The following TPP1 variants were observed in gnomAD, a reference collection of about 807,000 sequenced individuals.
TPP1 encodes tripeptidyl peptidase 1.
In TPP1, 43 loss-of-function variants were observed where a neutral mutation model predicts 67.6. The ratio of observed to expected loss-of-function variants is 0.64; its 90% CI spans 0.50 to 0.82. The LOEUF (loss-of-function observed/expected upper bound fraction) is 0.82. Among genes scored for constraint, TPP1 ranks in the 40% least tolerant of loss-of-function variants. TPP1 has a pLI of 0.00. For missense variants in TPP1, 671 were observed against 710.9 expected, an observed-to-expected ratio of 0.94 and a Z score of 0.64; for synonymous variants, 272 against 281.5, an observed-to-expected ratio of 0.97 and a Z score of 0.34.
chr11:6,615,636 A>G (rs765049140), intron 9 of TPP1, 74 bp from the exon 10 acceptor site: 3 of 1,585,284 alleles, frequency 1.9e-6, no homozygotes, highest in South Asian at 1.1e-5. Flanking sequence ...AGGGGTGAGT[A>G]TAGCCCAGGT....
chr11:6,615,621 T>C, intron 9 of TPP1, 59 bp from the exon 10 acceptor site: 1 of 1,607,800 alleles, frequency 6.2e-7, no homozygotes, highest in African/African-American at 1.3e-5. Context: ...CCAAGATATG[T>C]GGGGAGGGGT....
chr11:6,615,024 G>C (rs1273597868), intron 11 of TPP1, 33 bp from the exon 12 acceptor site: 1 of 1,614,090 alleles, frequency 6.2e-7, no homozygotes, highest in Non-Finnish European at 8.5e-7. Flanking sequence ...AGAGGTCAGG[G>C]GTTCTGAGTG....
chr11:6,616,375 G>C lies in TPP1; in HGVS notation c.1015C>G (p.Arg339Gly), dbSNP rs750428882. The change falls in exon 8 of 13, where the codon CGG becomes GGG. Residue 339 changes from arginine (R) to glycine (G), a missense_variant. Transcript: ENST00000299427. ...GCCTTCATGAGCTCAGTGTTGACCC[G>C]CTGGATGTAGGCGCTGCTGAGGGAG... ...EDSLSSAYIQ[R>G]VNTELMKAAA... 6.2e-7 allele frequency: 1 copy of C among 1,613,778 alleles called. No homozygotes were observed. Among genetic ancestry groups the C allele is most frequent in the African/African-American group, 1.3e-5 (1 of 74,898 alleles).
chr11:6,618,156 G>C (rs2555169), intron 3 of TPP1: 5 of 359,406 alleles, frequency 1.4e-5, no homozygotes, highest in Non-Finnish European at 2.6e-5. Flanking sequence ...TTGCATACTT[G>C]TTGATTTTAA....
rs1855543283 is a variant in TPP1 at position 6,614,423 on chromosome 11, G to A, written c.*123C>T. 2 of 1,358,044 alleles carry A rather than the reference G, an allele frequency of 1.5e-6. No homozygotes were observed. The highest frequency in any genetic ancestry group is 1.4e-5 in the African/African-American group (1 of 70,438). 84.1% of individuals were successfully genotyped at this position (1,358,044 alleles called of 1,614,324 possible). A position where few individuals can be genotyped will look rare whatever the true frequency, so the allele number is the denominator to read the frequency against. On this transcript the variant is annotated 3_prime_UTR_variant, in exon 13 of 13. Coordinates refer to ENST00000299427, the MANE Select transcript of TPP1 (RefSeq NM_000391.4). ...AAGCTCACAGCATTTCAGGGTTAGG[G>A]AGATAAGCTGTCTGCAGCAGTCAAT... is the stretch of plus-strand genomic sequence containing the variant.
chr11:6,614,536 T>C lies in TPP1; in HGVS notation c.*10A>G, dbSNP rs775748851. 9.1e-5 allele frequency: 147 copies of C among 1,614,010 alleles called. No individual in the cohort carries two copies. The highest frequency in any genetic ancestry group is 1.2e-4 in the Non-Finnish European group (145 of 1,180,024). On this transcript the variant is annotated 3_prime_UTR_variant, in exon 13 of 13. Transcript: ENST00000299427. ...GCAGGGGACAAGCCATCTCTCCTGA[T>C]AGGAAAGGGTCAGGGGTTGAGTAGA...
chr11:6,617,596 G>C, intron 4 of TPP1, 30 bp downstream of exon 4: 1 of 1,613,940 alleles, frequency 6.2e-7, no homozygotes, highest in South Asian at 1.1e-5. Context: ...GATGACTGGT[G>C]CCCTCCATGG....
In TPP1 at chr11:6,618,881, C is replaced by A. The variant is rs1231987689; in HGVS notation, c.124G>T (p.Asp42Tyr). Reference sequence around the variant, plus strand: ...GTGAGACTCAGCTCTTCCTCAGGGTCCGCACGGCCCAGGGACACCCAGCCT... The same window carrying A: ...GTGAGACTCAGCTCTTCCTCAGGGTACGCACGGCCCAGGGACACCCAGCCT... ...PPGWVSLGRA[D>Y]PEEELSLTFA... The change falls in exon 3 of 13, where the codon GAC (aspartate) becomes TAC (tyrosine). Residue 42 changes from aspartate to tyrosine, a missense_variant. Transcript: ENST00000299427. 6.2e-7 allele frequency: 1 copy of A among 1,613,804 alleles called. No individual in the cohort carries two copies. Among genetic ancestry groups the A allele is most frequent in the East Asian group, 2.2e-5 (1 of 44,894 alleles).
At chr11:6,616,915 A>G in intron 6 of TPP1, 56 bp from the exon 7 acceptor site, 3 of 1,613,980 alleles carry the variant, frequency 1.9e-6, no homozygotes. Context: ...CCAGGGTGGT[A>G]AGGAATTGAG....
At chr11:6,618,248 A>C in intron 3 of TPP1, 4 of 329,462 alleles carry the variant, frequency 1.2e-5, no homozygotes, top group Non-Finnish European at 1.7e-5. Context: ...GCAGTTCACA[A>C]GCACACACTC....
At position 6,618,799 on chromosome 11, in the gene TPP1, G is replaced by C. The variant is rs769028551; in HGVS notation, c.206C>G (p.Ser69Trp). The C allele has an allele frequency of 6.2e-6, 10 of 1,613,914 alleles. No homozygotes were observed. The highest frequency in any genetic ancestry group is 8.5e-6 in the Non-Finnish European group (10 of 1,180,044). ...ACCGTATTGAGGAGAGCTGGGATCC[G>C]ACACAGCCTGCACCAGCTCCGAGAG... ...ERLSELVQAV[S>W]DPSSPQYGKY... Residue 69 changes from serine (S) to tryptophan (W), a missense_variant, in exon 3 of 13, where the codon TCG (serine) becomes TGG (tryptophan). By Grantham distance (177) the Ser-to-Trp change is radical. Transcript: ENST00000299427.
At chr11:6,617,918 C>G in intron 3 of TPP1, 142 bp from the exon 4 acceptor site, 5 of 1,154,762 alleles carry the variant, frequency 4.3e-6, no homozygotes, top group Non-Finnish European at 6.3e-6. Context: ...GTAGGGTGTA[C>G]TTGGGAAGCA....
chr11:6,616,798 T>C lies in TPP1; in HGVS notation c.749A>G (p.Asn250Ser), dbSNP rs1282503836. The C allele has an allele frequency of 1.9e-6, 3 of 1,613,720 alleles. No homozygotes were observed. The highest frequency in any genetic ancestry group is 2.5e-6 in the Non-Finnish European group (3 of 1,179,998). Reference sequence around the variant, plus strand: ...GGCTACTGATGCCTGATGTGCAAAGTTGCCACCGAAGAGGCGCATGAACTG... The same window carrying C: ...GGCTACTGATGCCTGATGTGCAAAGCTGCCACCGAAGAGGCGCATGAACTG... ...LAQFMRLFGG[N>S]FAHQASVARV... The change falls in exon 7 of 13, where the codon AAC (asparagine) becomes AGC (serine). Residue 250 changes from asparagine (N) to serine (S), a missense_variant. Coordinates refer to ENST00000299427, the MANE Select transcript of TPP1 (RefSeq NM_000391.4).
chr11:6,614,827 T>G (rs1167893391), intron 12 of TPP1, 39 bp downstream of exon 12: 8 of 1,613,930 alleles, frequency 5.0e-6, no homozygotes, highest in Non-Finnish European at 6.8e-6. Context: ...CTCCCCATAG[T>G]TGTTTGAAAA....
In TPP1 at chr11:6,618,895, G is replaced by T; in HGVS notation, c.110C>A (p.Ser37Tyr). ...TTCCTCAGGGTCCGCACGGCCCAGG[G>T]ACACCCAGCCTGGGGGCAGCCTGTA... is the stretch of plus-strand genomic sequence containing the variant. ...QRRTLPPGWV[S>Y]LGRADPEEEL... is the part of the protein sequence containing the mutation. Residue 37 changes from serine (S) to tyrosine (Y), a missense_variant, in exon 3 of 13, where the codon TCC (serine) becomes TAC (tyrosine). Physicochemically the swap from Ser to Tyr is moderately radical, Grantham distance 144. Coordinates refer to ENST00000299427, the MANE Select transcript of TPP1 (RefSeq NM_000391.4). 6.2e-7 allele frequency: 1 copy of T among 1,613,680 alleles called. No homozygotes were observed. Among genetic ancestry groups the T allele is most frequent in the Non-Finnish European group, 8.5e-7 (1 of 1,180,044 alleles).
rs775087485 is a variant in TPP1, at chr11:6,615,011, A to T, written c.1426-20T>A. 6.2e-7 allele frequency: 1 copy of T among 1,613,912 alleles called. No individual in the cohort carries two copies. The highest frequency in any genetic ancestry group is 8.5e-7 in the Non-Finnish European group (1 of 1,180,002). On this transcript the variant is annotated intron_variant, in intron 11 of 12. Transcript: ENST00000299427. ...AGAGGCCTACAAGAGTGAAGGTGCA[A>T]GTAGAGGTCAGGGGTTCTGAGTGAT...
chr11:6,617,224 C>T, intron 5 of TPP1, 71 bp from the exon 6 acceptor site: 1 of 1,613,900 alleles, frequency 6.2e-7, no homozygotes, highest in Non-Finnish European at 8.5e-7. Context: ...ACCCCACCCC[C>T]AGTCCCCAAT....
At chr11:6,615,106 T>G in intron 11 of TPP1, 65 bp downstream of exon 11, 1 of 1,613,614 alleles carries the variant, frequency 6.2e-7, no homozygotes. Flanking sequence ...AGGTGCAAGG[T>G]GTTCAAGGTG....
At chr11:6,615,657 G>A (rs1383561825) in intron 9 of TPP1, 95 bp from the exon 10 acceptor site, 8 of 1,501,834 alleles carry the variant, frequency 5.3e-6, no homozygotes, top group Non-Finnish European at 7.4e-6. Context: ...CTTGCTGGAG[G>A]AACTAGACTC....
Sources: allele counts gnomAD v4.1 joint callset, GRCh38; gene constraint gnomAD v4.1.1; transcripts MANE v1.5; gene names NCBI Gene and HGNC (gene_info 2026-07-23, HGNC 2026-07-21).